PML: variants seen among roughly 807,000 people sequenced by gnomAD.
PML encodes PML nuclear body scaffold.
A neutral mutation model predicts 65.2 loss-of-function variants in PML; 28 were observed. The ratio of observed to expected loss-of-function variants is 0.43; its 90% CI spans 0.32 to 0.59. PML has a LOEUF of 0.59. Ranked by LOEUF, PML falls within the 20% of genes least tolerant of loss-of-function variation. The pLI, the probability that PML is intolerant of heterozygous loss-of-function variation, is 0.08. For synonymous variants in PML, 500 were observed against 508.8 expected, an observed-to-expected ratio of 0.98 and a Z score of 0.23; for missense variants, 1,021 against 1,203.4, an observed-to-expected ratio of 0.85 and a Z score of 2.24.
chr15:74,046,097 G>A lies in PML; in HGVS notation c.*1089G>A, dbSNP rs1186644060. The A allele has an allele frequency of 4.3e-6, 1 of 232,900 alleles. No individual in the cohort carries two copies. Among genetic ancestry groups the A allele is most frequent in the Admixed American group, 5.6e-5 (1 of 17,776 alleles). The allele number at this position is 232,900 out of a possible 1,614,324, so 14.4% of individuals were successfully genotyped here. A position where few individuals can be genotyped will look rare whatever the true frequency, so the allele number is the denominator to read the frequency against. On this transcript the variant is annotated 3_prime_UTR_variant, in exon 9 of 9. Coordinates refer to ENST00000268058, the MANE Select transcript of PML (RefSeq NM_033238.3). Reference sequence around the variant, plus strand: ...TTCCTAAGCTCTAGTGTCCCCATCTGTAAAATGGGCTGATTGGCCTCCACG... The same window carrying A: ...TTCCTAAGCTCTAGTGTCCCCATCTATAAAATGGGCTGATTGGCCTCCACG...
intron 2 of PML, among the ~76,000 whole-genome samples, chr15:74,016,654 C>T (rs1032957889): frequency 2.0e-5 from 3 of 152,036 alleles, no homozygotes; most frequent in Admixed American, 2.0e-4. Flanking sequence ...TAGACCTTTT[C>T]CTTTCCTTTT....
chr15:74,024,912 T>C lies in PML; in HGVS notation c.1239T>C (p.Pro413=). 6.2e-7 allele frequency: 1 copy of C among 1,612,820 alleles called. No homozygotes were observed. The highest frequency in any genetic ancestry group is 8.5e-7 in the Non-Finnish European group (1 of 1,178,858). The change falls in exon 4 of 9, where the codon CCT becomes CCC. Residue 413 remains proline, a synonymous_variant. Transcript: ENST00000268058. ...AGGCTGCCAGCACTCCCAGGGACCC[T>C]ATTGACGTTGACCTGGTGAGATGGG... ...SPEAASTPRD[P]IDVDLPEEAE...
intron 2 of PML, among the ~76,000 whole-genome samples, chr15:73,999,250 A>G (rs1304213155): frequency 6.6e-6 from 1 of 152,288 alleles, no homozygotes; most frequent in Non-Finnish European, 1.5e-5. Context: ...TCCCTCTTTT[A>G]GCCAAAAAGG....
intron 7 of PML, chr15:74,034,960 T>C: frequency 6.8e-7 from 1 of 1,470,272 alleles, no homozygotes; most frequent in Non-Finnish European, 9.0e-7. Flanking sequence ...AAGTGAGGTT[T>C]GACTCCATCC....
chr15:74,046,945 C>T lies in PML; in HGVS notation c.*1937C>T. The stretch of plus-strand genomic sequence containing the variant: ...TAGCAGAGCTGAGAGCCCTTTGTTG[C>T]TCAATGCTGTGAGCCTTAAGCATGT... On this transcript the variant is annotated 3_prime_UTR_variant, in exon 9 of 9. Transcript: ENST00000268058. 4.3e-6 allele frequency: 1 copy of T among 229,938 alleles called. No individual in the cohort carries two copies. The highest frequency in any genetic ancestry group is 8.6e-6 in the Non-Finnish European group (1 of 115,900). 14.2% of individuals were successfully genotyped at this position (229,938 alleles called of 1,614,324 possible).
intron 4 of PML, among the ~76,000 whole-genome samples, chr15:74,029,677 A>G (rs754880054): frequency 6.6e-6 from 1 of 152,182 alleles, no homozygotes; most frequent in Non-Finnish European, 1.5e-5. Context: ...TGATTGTTAC[A>G]TGGGATGTAC....
chr15:74,011,153 T>A (rs78746266), intron 2 of PML, among the ~76,000 whole-genome samples: 2 of 152,176 alleles, frequency 1.3e-5, no homozygotes, highest in African/African-American at 2.4e-5. Flanking sequence ...GGGTGCCAGA[T>A]GATTGCAACA....
In PML at chr15:74,006,079, A is replaced by G. The variant is rs1048091758; in HGVS notation, c.602+7603A>G. Among the ~76,000 whole-genome samples the G allele has an allele frequency of 8.5e-5, 13 of 152,164 alleles. No homozygotes were observed. In the East Asian group the frequency reaches 2.1e-3, roughly 25 times the overall value. On this transcript the variant is annotated intron_variant, in intron 2 of 8. Coordinates refer to ENST00000268058, the MANE Select transcript of PML (RefSeq NM_033238.3). ...CAGCTAGGTCCCTGTAAATTAGACT[A>G]ACAAGATATAGATTAACACGAGAAA...
intron 4 of PML, chr15:74,031,214 C>T: frequency 2.3e-6 from 1 of 427,154 alleles, no homozygotes; most frequent in South Asian, 1.7e-5. Context: ...CTGGGCATTG[C>T]ATGTAAATAG....
intron 7 of PML, chr15:74,036,276 A>AC (rs2071557494): frequency 6.8e-7 from 1 of 1,474,068 alleles, no homozygotes; most frequent in Non-Finnish European, 9.0e-7. Context: ...CCATGCCCCG[A>AC]CCCCCACCCC....
intron 4 of PML, chr15:74,032,339 G>A (rs1187747109): frequency 3.3e-5 from 19 of 570,262 alleles, no homozygotes; most frequent in East Asian, 2.7e-4. Flanking sequence ...CAAGACCAGC[G>A]TGGGCAACAT....
At chr15:74,007,676 G>C (rs1022044143) in intron 2 of PML, among the ~76,000 whole-genome samples, 1 of 151,324 alleles carries the variant, frequency 6.6e-6, no homozygotes, top group Admixed American at 6.6e-5. Context: ...GTCTGCCCTG[G>C]GGTGGCTGCC....
At chr15:74,016,957 C>T (rs543068798) in intron 2 of PML, among the ~76,000 whole-genome samples, 7 of 151,822 alleles carry the variant, frequency 4.6e-5, no homozygotes, top group South Asian at 4.2e-4. Flanking sequence ...CCACCATGCC[C>T]GGCCAATTTT....
In PML at chr15:74,042,786, C is replaced by T; in HGVS notation, c.1711-203C>T. The T allele has an allele frequency of 1.0e-6, 1 of 985,278 alleles. No individual in the cohort carries two copies. The highest frequency in any genetic ancestry group is 1.2e-6 in the Non-Finnish European group (1 of 829,872). 61.0% of individuals were successfully genotyped at this position (985,278 alleles called of 1,614,324 possible). ...ATGAGGGTGTATGCCCTGGTTCATA[C>T]ATGTAACCCTCACATGTGACACACC... On this transcript the variant is annotated intron_variant, in intron 7 of 8. Coordinates refer to ENST00000268058, the MANE Select transcript of PML (RefSeq NM_033238.3). This position sits in a 1 kb window ranked among gnomAD's most constrained non-coding sequence, Gnocchi z 5.3.
intron 2 of PML, among the ~76,000 whole-genome samples, chr15:74,017,982 A>AT (rs902732342): frequency 6.6e-6 from 1 of 151,990 alleles, no homozygotes; most frequent in African/African-American, 2.4e-5. Context: ...AAAATTAAAA[A>AT]TTTTTTTCTT....
At position 74,033,269 on chromosome 15, in the gene PML, C is replaced by T. The variant is rs1231437445; in HGVS notation, c.1512C>T (p.Ser504=). ...GGAAGGAGGCAAGGTTGGCTCGGAG[C>T]TCCCCGGAGCAGCCCAGGCCCAGCA... ...EEGKEARLAR[S]SPEQPRPSTS... The change falls in exon 6 of 9, where the codon AGC becomes AGT. Residue 504 remains serine (S), a synonymous_variant. Coordinates refer to ENST00000268058, the MANE Select transcript of PML (RefSeq NM_033238.3). The T allele has an allele frequency of 1.2e-6, 2 of 1,614,224 alleles. No homozygotes were observed. The highest frequency in any genetic ancestry group is 1.1e-5 in the South Asian group (1 of 91,088).
At chr15:74,022,203 C>G (rs757773987) in intron 2 of PML, among the ~76,000 whole-genome samples, 1 of 152,190 alleles carries the variant, frequency 6.6e-6, no homozygotes, top group African/African-American at 2.4e-5. Flanking sequence ...GTGATCCTCC[C>G]GCCCCGGCCT....
intron 2 of PML, among the ~76,000 whole-genome samples, chr15:74,000,996 C>T (rs1433515031): frequency 1.3e-5 from 2 of 152,152 alleles, no homozygotes; most frequent in Non-Finnish European, 2.9e-5. Flanking sequence ...TTTTTGGGAA[C>T]TTTTCCCATT....
In PML at chr15:74,045,409, G is replaced by T. The variant is rs750734505; in HGVS notation, c.*401G>T. ...CCCTGCCCCTGGACACCTGCTGACAGCTCCCACACAGAACAGTCTGAGGTG... is the reference window on the plus strand; with the variant it reads ...CCCTGCCCCTGGACACCTGCTGACATCTCCCACACAGAACAGTCTGAGGTG... On this transcript the variant is annotated 3_prime_UTR_variant, in exon 9 of 9. Coordinates refer to ENST00000268058, the MANE Select transcript of PML (RefSeq NM_033238.3). 1.1e-4 allele frequency: 31 copies of T among 287,806 alleles called. No individual in the cohort carries two copies. The highest frequency in any genetic ancestry group is 1.8e-4 in the Non-Finnish European group (27 of 153,182). The allele number at this position is 287,806 out of a possible 1,614,324, so 17.8% of individuals were successfully genotyped here.
Sources: gnomAD v4.1 joint callset for allele counts (sites outside exome capture counted in the v4.1 genomes callset) on GRCh38, gnomAD v4.1.1 for gene constraint, Gnocchi (gnomAD v3.1) non-coding constraint, MANE v1.5 for transcripts, NCBI Gene and HGNC (gene_info 2026-07-23, HGNC 2026-07-21) for gene names.